The following ANKMY2 variants were observed in gnomAD, a reference collection of about 807,000 sequenced individuals.
The protein encoded by ANKMY2 is ankyrin repeat and MYND domain containing 2, also known as ankyrin repeat and MYND domain-containing protein 2.
ANKMY2 carries 36 observed loss-of-function variants against 50.4 expected under a neutral mutation model. The observed-to-expected ratio is 0.71, with a 90% CI of 0.55 to 0.94. ANKMY2 has a LOEUF of 0.94. Ranked by LOEUF, ANKMY2 falls within the 40% of genes least tolerant of loss-of-function variation. The pLI is 0.00. For missense variants in ANKMY2, 565 were observed against 524.0 expected (o/e 1.08, Z -0.76); for synonymous variants, 187 against 178.8 (o/e 1.05, Z -0.36).
At chr7:16,613,088 A>G (rs1037278252) in intron 5 of ANKMY2, among the ~76,000 whole-genome samples, 1 of 152,176 alleles carries the variant, frequency 6.6e-6, no homozygotes, top group Non-Finnish European at 1.5e-5. Flanking sequence ...CTGTACACTT[A>G]GAGACCCTGC....
intron 5 of ANKMY2, among the ~76,000 whole-genome samples, chr7:16,615,300 G>A (rs1284024906): frequency 1.3e-5 from 2 of 152,152 alleles, no homozygotes; most frequent in Non-Finnish European, 2.9e-5. Flanking sequence ...GGCTCTCAGG[G>A]TCAGCTACTA....
chr7:16,642,738 A>G (rs1250415978), intron 1 of ANKMY2, among the ~76,000 whole-genome samples: 3 of 152,218 alleles, frequency 2.0e-5, no homozygotes, highest in Admixed American at 6.5e-5. Context: ...CCTTTCTTCA[A>G]CTATAAAATA....
At chr7:16,617,424 G>C (rs62443198) in intron 4 of ANKMY2, among the ~76,000 whole-genome samples, 33,093 of 152,076 alleles carry the variant, frequency 0.22, 4,225 homozygotes, top group Middle Eastern at 0.3. Flanking sequence ...AACAAGGTAC[G>C]TATGGGGATC....
chr7:16,643,843 A>AC (rs140248186), intron 1 of ANKMY2, among the ~76,000 whole-genome samples: 32,005 of 134,650 alleles, frequency 0.24, 3,763 homozygotes, highest in Admixed American at 0.33. Context: ...ACATAGGGAG[A>AC]CCCCCACCAC....
At chr7:16,621,279 C>T (rs900391662) in intron 4 of ANKMY2, among the ~76,000 whole-genome samples, 1 of 152,062 alleles carries the variant, frequency 6.6e-6, no homozygotes, top group African/African-American at 2.4e-5. Flanking sequence ...ATGAAGGAAC[C>T]AATTAAATAT....
chr7:16,611,859 T>C (rs189171006), intron 5 of ANKMY2, among the ~76,000 whole-genome samples: 20 of 152,318 alleles, frequency 1.3e-4, no homozygotes, highest in Admixed American at 9.8e-4. Flanking sequence ...CCAATCAGCA[T>C]GCACTCCCCT....
At chr7:16,615,679 TA>T in intron 5 of ANKMY2, 64 bp downstream of exon 5, 1 of 1,597,300 alleles carries the variant, frequency 6.3e-7, no homozygotes, top group South Asian at 1.1e-5. Flanking sequence ...TCCTGTATAA[TA>T]AAAGCAGTTT....
At chr7:16,621,065 T>C (rs1781428063) in intron 4 of ANKMY2, among the ~76,000 whole-genome samples, 2 of 152,110 alleles carry the variant, frequency 1.3e-5, no homozygotes, top group Non-Finnish European at 2.9e-5. Context: ...CAAATTCAAA[T>C]AGAAATCAAG....
At chr7:16,629,126 T>TA (rs1270789295) in intron 2 of ANKMY2, among the ~76,000 whole-genome samples, 5 of 152,270 alleles carry the variant, frequency 3.3e-5, no homozygotes, top group East Asian at 1.9e-4. Context: ...TCGTCTCATT[T>TA]AAAAAAAATT....
chr7:16,614,974 T>C (rs909224570), intron 5 of ANKMY2, among the ~76,000 whole-genome samples: 3 of 152,198 alleles, frequency 2.0e-5, no homozygotes, highest in Non-Finnish European at 4.4e-5. Context: ...TTGAAAAAAT[T>C]ATGTGTAAAC....
At chr7:16,645,284 G>C (rs1035029734) in intron 1 of ANKMY2, among the ~76,000 whole-genome samples, 1 of 152,198 alleles carries the variant, frequency 6.6e-6, no homozygotes, top group Non-Finnish European at 1.5e-5. Flanking sequence ...TAGAGGCCGA[G>C]CCTCTGTAAC....
At chr7:16,618,052 C>T (rs62443202) in intron 4 of ANKMY2, among the ~76,000 whole-genome samples, 40,794 of 151,520 alleles carry the variant, frequency 0.27, 6,113 homozygotes, top group South Asian at 0.34. Context: ...CTCAGCTTCC[C>T]AAGTAGCTGA....
At chr7:16,632,856 A>G (rs1056589210) in intron 2 of ANKMY2, among the ~76,000 whole-genome samples, 7 of 152,196 alleles carry the variant, frequency 4.6e-5, no homozygotes, top group African/African-American at 1.7e-4. Context: ...TACACGATTT[A>G]ACATTCCCAC....
intron 2 of ANKMY2, among the ~76,000 whole-genome samples, chr7:16,634,887 G>C (rs947526635): frequency 2.0e-5 from 3 of 151,794 alleles, no homozygotes; most frequent in African/African-American, 7.3e-5. Context: ...AAAAGCTCAG[G>C]AGTATTTATC....
At chr7:16,631,759 C>T (rs191337291) in intron 2 of ANKMY2, among the ~76,000 whole-genome samples, 2,407 of 151,924 alleles carry the variant, frequency 0.016, 55 homozygotes, top group African/African-American at 0.056. Context: ...GAACTACAGG[C>T]GCCCGCCACC....
In ANKMY2 at chr7:16,609,647, T is replaced by C; in HGVS notation, c.865A>G (p.Ile289Val). ...AGCCTTACAATTTCAACAGGAGCAA[T>C]GCTTCGAACCAGCTGCTGGAGGAGT... is the stretch of plus-strand genomic sequence containing the variant. ...ATLLQQLVRS[I>V]APVEIGSDPT... The change falls in exon 7 of 10, where the codon ATT becomes GTT. Residue 289 changes from isoleucine (I) to valine (V), a missense_variant. By Grantham distance (29) the Ile-to-Val change is conservative (BLOSUM62 3). Coordinates refer to ENST00000306999, the MANE Select transcript of ANKMY2 (RefSeq NM_020319.3). 3.7e-6 allele frequency: 6 copies of C among 1,606,850 alleles called. No homozygotes were observed. Among genetic ancestry groups the C allele is most frequent in the Non-Finnish European group, 5.1e-6 (6 of 1,177,996 alleles).
chr7:16,618,377 G>C (rs1398734867), intron 4 of ANKMY2, among the ~76,000 whole-genome samples: 1 of 152,014 alleles, frequency 6.6e-6, no homozygotes, highest in Non-Finnish European at 1.5e-5. Context: ...AGATGAAAGA[G>C]CTAAAGAACA....
intron 7 of ANKMY2, among the ~76,000 whole-genome samples, chr7:16,607,061 T>C (rs1401310025): frequency 6.6e-6 from 1 of 152,158 alleles, no homozygotes; most frequent in Non-Finnish European, 1.5e-5. Flanking sequence ...GGTTAGAACT[T>C]GCAGAATATG....
At chr7:16,626,434 T>C (rs1247770368) in intron 3 of ANKMY2, among the ~76,000 whole-genome samples, 4 of 152,230 alleles carry the variant, frequency 2.6e-5, no homozygotes, top group Non-Finnish European at 4.4e-5. Flanking sequence ...CTGTGGTTTA[T>C]ATAATGCTTA....
Sources: gnomAD v4.1 joint callset for allele counts (sites outside exome capture counted in the v4.1 genomes callset) on GRCh38, gnomAD v4.1.1 for gene constraint, MANE v1.5 for transcripts, NCBI Gene and HGNC (gene_info 2026-07-23, HGNC 2026-07-21) for gene names.